Variants in HEMK2 observed in about 807,000 individuals in gnomAD.
The protein encoded by HEMK2 is HemK methyltransferase 2, ETF1 glutamine and histone H4 lysine, also known as methyltransferase HEMK2.
At chr21:28,803,082 G>A in the HEMK2 span, among the ~76,000 whole-genome samples, 8 of 152,316 alleles carry the variant, frequency 5.3e-5, no homozygotes, top group South Asian at 1.7e-3. Flanking sequence ...AGCCCTGGTT[G>A]CACACAACTG....
the HEMK2 span, among the ~76,000 whole-genome samples, chr21:28,583,319 T>G: frequency 1.7e-4 from 26 of 152,254 alleles, no homozygotes; most frequent in Non-Finnish European, 3.1e-4. Flanking sequence ...CAATAGATGG[T>G]GTCTTAATTT....
At chr21:28,806,099 G>A in the HEMK2 span, among the ~76,000 whole-genome samples, 1 of 152,214 alleles carries the variant, frequency 6.6e-6, no homozygotes, top group East Asian at 1.9e-4. Context: ...ATACAAATTT[G>A]GTAAAGTACC....
the HEMK2 span, among the ~76,000 whole-genome samples, chr21:28,717,795 AT>A: frequency 6.6e-6 from 1 of 151,546 alleles, no homozygotes; most frequent in Non-Finnish European, 1.5e-5. Context: ...GTCATTTCTG[AT>A]TGTGCTTATT....
At chr21:28,796,532 T>C in the HEMK2 span, among the ~76,000 whole-genome samples, 2 of 152,152 alleles carry the variant, frequency 1.3e-5, no homozygotes, top group African/African-American at 2.4e-5. Flanking sequence ...ATTAGAACTA[T>C]TCCAAAAAAT....
the HEMK2 span, among the ~76,000 whole-genome samples, chr21:28,666,145 C>G: frequency 6.6e-6 from 1 of 152,160 alleles, no homozygotes; most frequent in Non-Finnish European, 1.5e-5. Context: ...CTACGTTGTT[C>G]CCTCATGTCC....
the HEMK2 span, among the ~76,000 whole-genome samples, chr21:28,856,746 T>C: frequency 6.6e-6 from 1 of 152,182 alleles, no homozygotes; most frequent in Non-Finnish European, 1.5e-5. Context: ...TGTGCAACCC[T>C]GCCAAGGAAA....
the HEMK2 span, among the ~76,000 whole-genome samples, chr21:28,756,691 C>T: frequency 2.6e-5 from 4 of 152,184 alleles, no homozygotes; most frequent in Non-Finnish European, 1.5e-5. Context: ...GATTCCCAAA[C>T]ACTTTGTCCT....
chr21:28,858,960 T>C, the HEMK2 span, among the ~76,000 whole-genome samples: 25 of 152,336 alleles, frequency 1.6e-4, no homozygotes, highest in African/African-American at 5.3e-4. Flanking sequence ...ATTATCTTAT[T>C]TGAGAAGACT....
At chr21:28,866,175 A>AAAAAAACAAAAAAAC in the HEMK2 span, among the ~76,000 whole-genome samples, 8 of 76,248 alleles carry the variant, frequency 1.0e-4, 1 homozygote, top group African/African-American at 3.6e-4. Flanking sequence ...CAAAAAAAAA[A>AAAAAAACAAAAAAAC]ACACACACAC....
the HEMK2 span, among the ~76,000 whole-genome samples, chr21:28,876,716 G>C: frequency 6.6e-6 from 1 of 152,100 alleles, no homozygotes. Flanking sequence ...TAAATGGCTT[G>C]CTTTGCAGTC....
chr21:28,653,337 C>T, the HEMK2 span, among the ~76,000 whole-genome samples: 1 of 151,786 alleles, frequency 6.6e-6, no homozygotes, highest in African/African-American at 2.4e-5. Flanking sequence ...GATAACAAAG[C>T]CCTGCAAGAT....
At chr21:28,768,370 G>A in the HEMK2 span, among the ~76,000 whole-genome samples, 7 of 152,052 alleles carry the variant, frequency 4.6e-5, no homozygotes, top group African/African-American at 1.7e-4. Context: ...GCCACTTGCA[G>A]AGTGTCCACT....
chr21:28,865,323 G>T, the HEMK2 span, among the ~76,000 whole-genome samples: 2 of 152,108 alleles, frequency 1.3e-5, no homozygotes, highest in Admixed American at 1.3e-4. Flanking sequence ...ACACCAGAAT[G>T]CCTGGCTAAT....
chr21:28,648,601 G>A, the HEMK2 span, among the ~76,000 whole-genome samples: 2 of 152,106 alleles, frequency 1.3e-5, no homozygotes, highest in African/African-American at 4.8e-5. Context: ...TCTAGCAGTA[G>A]AAGAGACTTT....
chr21:28,686,140 A>C, the HEMK2 span, among the ~76,000 whole-genome samples: 1 of 152,200 alleles, frequency 6.6e-6, no homozygotes, highest in African/African-American at 2.4e-5. Context: ...GAGTTTGGTG[A>C]AGGAGAGAAT....
the HEMK2 span, among the ~76,000 whole-genome samples, chr21:28,720,805 T>C: frequency 3.3e-5 from 5 of 152,106 alleles, no homozygotes; most frequent in African/African-American, 1.2e-4. Context: ...GAAAGTGTCA[T>C]GCGAAATAGG....
the HEMK2 span, among the ~76,000 whole-genome samples, chr21:28,689,030 T>C: frequency 6.6e-6 from 1 of 152,284 alleles, no homozygotes; most frequent in South Asian, 2.1e-4. Context: ...TGTCTGGCCT[T>C]GTACAGGGAG....
At chr21:28,831,466 A>AGAAAGAAAGAAAAGAAC in the HEMK2 span, among the ~76,000 whole-genome samples, 1 of 27,446 alleles carries the variant, frequency 3.6e-5, no homozygotes. Flanking sequence ...AAAGAACGAA[A>AGAAAGAAAGAAAAGAAC]GAAAGAAAGA....
the HEMK2 span, among the ~76,000 whole-genome samples, chr21:28,642,674 C>T: frequency 6.6e-6 from 1 of 152,150 alleles, no homozygotes; most frequent in African/African-American, 2.4e-5. Flanking sequence ...TGGCTTTCAG[C>T]AGAAAGGGAT....
Sources: gnomAD v4.1 joint callset for allele counts (sites outside exome capture counted in the v4.1 genomes callset) on GRCh38, gnomAD v4.1.1 for gene constraint, MANE v1.5 for transcripts, NCBI Gene and HGNC (gene_info 2026-07-23, HGNC 2026-07-21) for gene names.